DOK4: variants seen among roughly 807,000 people sequenced by gnomAD.
DOK4 encodes docking protein 4, also known as downstream of tyrosine kinase 4.
DOK4 carries 26 observed loss-of-function variants against 40.1 expected under a neutral mutation model. That is an observed-to-expected ratio of 0.65 (90% CI 0.48 to 0.90). DOK4 has a LOEUF of 0.90. Ranked by LOEUF, DOK4 falls within the 40% of genes least tolerant of loss-of-function variation. The pLI, the probability that DOK4 is intolerant of heterozygous loss-of-function variation, is 0.00. For synonymous variants in DOK4, 179 were observed against 177.0 expected (o/e 1.01, Z -0.09); for missense variants, 392 against 437.2 (o/e 0.90, Z 0.92).
intron 1 of DOK4, among the ~76,000 whole-genome samples, chr16:57,483,661 C>G (rs1398052281): frequency 6.6e-6 from 1 of 152,056 alleles, no homozygotes; most frequent in East Asian, 1.9e-4. Context: ...TAAAAAAATA[C>G]AAAAATTGGA....
chr16:57,473,546 T>G (rs757117309), intron 8 of DOK4, 51 bp from the exon 9 acceptor site: 1 of 1,614,204 alleles, frequency 6.2e-7, no homozygotes, highest in Admixed American at 1.7e-5. Flanking sequence ...AAAAGACCCC[T>G]GCCCAATAGG....
rs1464255985 is a variant in DOK4 at position 57,483,230 on chromosome 16, A to G, written c.-182+3075T>C. Among the ~76,000 whole-genome samples, 8 of 151,636 alleles carry G rather than the reference A, an allele frequency of 5.3e-5. No individual in the cohort carries two copies. In the East Asian group the frequency reaches 1.5e-3, roughly 29 times the overall value. Reference sequence around the variant, plus strand: ...TGACAGGCAGTGGGGTCAAGTGGTGAGGGGGGGGCCCAGAACCAACCCACC... The same window carrying G: ...TGACAGGCAGTGGGGTCAAGTGGTGGGGGGGGGGCCCAGAACCAACCCACC... On this transcript the variant is annotated intron_variant, in intron 1 of 8. Coordinates refer to ENST00000340099, the Ensembl canonical transcript of DOK4.
Position 57,479,614 on chromosome 16 carries a change from G to C in DOK4, c.-107C>G. The C allele has an allele frequency of 2.4e-6, 3 of 1,272,342 alleles. No homozygotes were observed. Among genetic ancestry groups the C allele is most frequent in the East Asian group, 4.7e-5 (2 of 42,436 alleles). The allele number at this position is 1,272,342 out of a possible 1,614,324, so 78.8% of individuals were successfully genotyped here. A position where few individuals can be genotyped will look rare whatever the true frequency, so the allele number is the denominator to read the frequency against. On this transcript the variant is annotated 5_prime_UTR_variant, in exon 2 of 9. Transcript: ENST00000340099. The surrounding 1 kb of genome is among the most constrained non-coding windows in gnomAD (Gnocchi z 5.8). ...AATCACCTGTTCCAGACACTCTGTCGGGGCTGCCGCGAGGGGCTGCTCCTC... is the reference window on the plus strand; with the variant it reads ...AATCACCTGTTCCAGACACTCTGTCCGGGCTGCCGCGAGGGGCTGCTCCTC...
exon 9 of DOK4, chr16:57,473,354 A>G (rs1162006576): frequency 3.1e-6 from 5 of 1,603,744 alleles, no homozygotes; most frequent in East Asian, 4.5e-5. Flanking sequence ...CCCAGCAGTC[A>G]TCGGTGCTCG....
Position 57,474,785 on chromosome 16 carries a change from G to C in DOK4, c.599+8C>G. On this transcript the variant is annotated splice_region_variant and intron_variant, in intron 6 of 8. Coordinates refer to ENST00000340099, the Ensembl canonical transcript of DOK4. ...GTAGGACAGGGCTGGGAGGCGAGAG[G>C]GTCCTACCGGCCAGCCTCGAAGGTA... 6.2e-7 allele frequency: 1 copy of C among 1,613,072 alleles called. No individual in the cohort carries two copies. Among genetic ancestry groups the C allele is most frequent in the Non-Finnish European group, 8.5e-7 (1 of 1,179,760 alleles).
chr16:57,479,772 T>G lies in DOK4; in HGVS notation c.-181-84A>C. 1 of 402,034 alleles carries G rather than the reference T, an allele frequency of 2.5e-6. No homozygotes were observed. The highest frequency in any genetic ancestry group is 4.6e-6 in the Non-Finnish European group (1 of 218,752). The allele number at this position is 402,034 out of a possible 1,614,324, so 24.9% of individuals were successfully genotyped here. A position where few individuals can be genotyped will look rare whatever the true frequency, so the allele number is the denominator to read the frequency against. On this transcript the variant is annotated intron_variant, in intron 1 of 8. Coordinates refer to ENST00000340099, the Ensembl canonical transcript of DOK4. The surrounding 1 kb of genome is among the most constrained non-coding windows in gnomAD (Gnocchi z 5.8). ...GTCTCGCTCTCTTTTTTCCTTCCTC[T>G]TCCCACACTCCTCCTCTCTCCCTCT...
chr16:57,479,303 A>C lies in DOK4; in HGVS notation c.66+139T>G, dbSNP rs1415992492. 1.1e-6 allele frequency: 1 copy of C among 905,226 alleles called. No individual in the cohort carries two copies. Among genetic ancestry groups the C allele is most frequent in the East Asian group, 2.6e-5 (1 of 38,074 alleles). The allele number at this position is 905,226 out of a possible 1,614,324, so 56.1% of individuals were successfully genotyped here. A position where few individuals can be genotyped will look rare whatever the true frequency, so the allele number is the denominator to read the frequency against. On this transcript the variant is annotated intron_variant, in intron 2 of 8. Transcript: ENST00000340099. The surrounding 1 kb of genome is among the most constrained non-coding windows in gnomAD (Gnocchi z 5.8). ...CATGCCAGGCAGCACGCTGGCGAGGAGCCCCGAGACCACAGATGCACGATG... is the reference window on the plus strand; with the variant it reads ...CATGCCAGGCAGCACGCTGGCGAGGCGCCCCGAGACCACAGATGCACGATG...
intron 4 of DOK4, 58 bp from the exon 5 acceptor site, chr16:57,475,277 C>A: frequency 6.3e-7 from 1 of 1,581,360 alleles, no homozygotes; most frequent in Non-Finnish European, 8.6e-7. Flanking sequence ...ACCCCGTCTG[C>A]CCAGCCTGAC....
chr16:57,475,754 T>TTCTCCCCTC (rs2031146031), intron 3 of DOK4, 96 bp downstream of exon 3: 2 of 680,658 alleles, frequency 2.9e-6, no homozygotes, highest in East Asian at 1.1e-4. Context: ...CTCTCCCCCT[T>TTCTCCCCTC]TCTCCCCTCT....
chr16:57,475,543 G>C (rs1242520904), exon 4 of DOK4: 2 of 1,609,632 alleles, frequency 1.2e-6, no homozygotes, highest in African/African-American at 1.3e-5. Flanking sequence ...AGTCATCAGT[G>C]AATATGATGG....
chr16:57,474,567 A>G, intron 6 of DOK4: 1 of 605,734 alleles, frequency 1.7e-6, no homozygotes, highest in Non-Finnish European at 2.9e-6. Context: ...CCAAAGTAGT[A>G]TATGATTTTT....
chr16:57,474,974 T>C (rs1490965241), exon 6 of DOK4: 2 of 1,608,922 alleles, frequency 1.2e-6, no homozygotes, highest in East Asian at 2.2e-5. Context: ...AGGAAGACAT[T>C]GAAGCGATCT....
chr16:57,479,557 G>T lies in DOK4; in HGVS notation c.-50C>A. On this transcript the variant is annotated 5_prime_UTR_variant, in exon 2 of 9. Coordinates refer to ENST00000340099, the Ensembl canonical transcript of DOK4. This position sits in a 1 kb window ranked among gnomAD's most constrained non-coding sequence, Gnocchi z 5.8. ...GGGGCCTGGCAGAGGCGAGGGGAAG[G>T]ATGCCCAGGTGCCTGGGTCTCCGGC... 6.2e-7 allele frequency: 1 copy of T among 1,603,672 alleles called. No homozygotes were observed. The highest frequency in any genetic ancestry group is 8.5e-7 in the Non-Finnish European group (1 of 1,173,780).
In DOK4 at chr16:57,473,751, A is replaced by G; in HGVS notation, c.739-15T>C. ...TTGTTCAGCAGCTGTGGGGCAAAGGAAGGGGTCACTCCCATTAGTGGCTTA... is the reference window on the plus strand; with the variant it reads ...TTGTTCAGCAGCTGTGGGGCAAAGGGAGGGGTCACTCCCATTAGTGGCTTA... On this transcript the variant is annotated splice_polypyrimidine_tract_variant and intron_variant, in intron 7 of 8. Coordinates refer to ENST00000340099, the Ensembl canonical transcript of DOK4. 1.9e-6 allele frequency: 3 copies of G among 1,604,766 alleles called. No individual in the cohort carries two copies. Among genetic ancestry groups the G allele is most frequent in the Non-Finnish European group, 2.6e-6 (3 of 1,174,294 alleles).
At chr16:57,475,693 T>TCTCTCCCTCTCTCC (rs745889807) in intron 3 of DOK4, 73 bp from the exon 4 acceptor site, 2 of 483,728 alleles carry the variant, frequency 4.1e-6, no homozygotes, top group Non-Finnish European at 6.9e-6. Context: ...TCTCTCTCTC[T>TCTCTCCCTCTCTCC]CTCCCTCCCT....
In DOK4 at chr16:57,475,626, A is replaced by T. The variant is rs2031117996; in HGVS notation, c.175-6T>A. On this transcript the variant is annotated splice_region_variant and splice_polypyrimidine_tract_variant and intron_variant, in intron 3 of 8. Transcript: ENST00000340099. ...ACGTTGCTGATCTCAGTCACCTGGG[A>T]CAGCATCCACAAGGGACTTAGCCAG... 6.3e-7 allele frequency: 1 copy of T among 1,582,618 alleles called. No individual in the cohort carries two copies. Among genetic ancestry groups the T allele is most frequent in the East Asian group, 2.3e-5 (1 of 43,486 alleles).
At chr16:57,476,937 C>T (rs2031205293) in intron 2 of DOK4, among the ~76,000 whole-genome samples, 1 of 152,202 alleles carries the variant, frequency 6.6e-6, no homozygotes, top group African/African-American at 2.4e-5. Flanking sequence ...CAGAGCTGCC[C>T]TTGCATGACC....
chr16:57,475,696 C>CTCTCTCT, intron 3 of DOK4, 76 bp from the exon 4 acceptor site: 2 of 757,012 alleles, frequency 2.6e-6, no homozygotes, highest in Non-Finnish European at 4.2e-6. Context: ...CTCTCTCTCT[C>CTCTCTCT]CCTCCCTCCC....
chr16:57,476,139 CT>C, intron 2 of DOK4, 182 bp from the exon 3 acceptor site: 2 of 597,608 alleles, frequency 3.3e-6, no homozygotes, highest in Middle Eastern at 8.8e-4. Flanking sequence ...GAGAAGCCTC[CT>C]CCCCAAATTG....
Sources: allele counts gnomAD v4.1 joint callset (sites outside exome capture counted in the v4.1 genomes callset), GRCh38; gene constraint gnomAD v4.1.1; non-coding constraint Gnocchi (gnomAD v3.1); transcripts MANE v1.5; gene names NCBI Gene and HGNC (gene_info 2026-07-23, HGNC 2026-07-21).